COL21A1: variants seen among roughly 807,000 people sequenced by gnomAD.
The protein encoded by COL21A1 is collagen type XXI alpha 1 chain.
A neutral mutation model predicts 137.9 loss-of-function variants in COL21A1; 149 were observed. The observed-to-expected ratio is 1.08, with a 90% confidence interval of 0.95 to 1.24. COL21A1 has a LOEUF of 1.24. COL21A1 is among the 50% of genes most tolerant of loss of function. The pLI is 0.00. For synonymous variants in COL21A1, 456 were observed against 391.5 expected, an observed-to-expected ratio of 1.16 and a Z score of -1.95; for missense variants, 1,167 against 1,158.4, an observed-to-expected ratio of 1.01 and a Z score of -0.11.
intron 1 of COL21A1, among the ~76,000 whole-genome samples, chr6:56,325,167 A>C (rs1325697255): frequency 7.0e-6 from 1 of 143,556 alleles, no homozygotes; most frequent in Non-Finnish European, 1.5e-5. Context: ...TATCAAATAA[A>C]TTTGCATGCT....
intron 10 of COL21A1, 34 bp from the exon 11 acceptor site, chr6:56,142,017 T>A (rs1301245275): frequency 7.2e-7 from 1 of 1,393,836 alleles, no homozygotes; most frequent in Non-Finnish European, 9.8e-7. Flanking sequence ...AAAAATAATA[T>A]TTCATCATAT....
At chr6:56,344,388 A>G (rs73745612) in intron 1 of COL21A1, among the ~76,000 whole-genome samples, 4,832 of 152,320 alleles carry the variant, frequency 0.032, 273 homozygotes, top group African/African-American at 0.11. Flanking sequence ...GATGTTTTAC[A>G]AATAAATATC....
In COL21A1 at chr6:56,124,223, T is replaced by C. The variant is rs1015946434; in HGVS notation, c.1704+16A>G. On this transcript the variant is annotated intron_variant, in intron 15 of 29. Transcript: ENST00000244728. ...TTTAAAGCAAAATACTAAGAGCTTT[T>C]TTCTATCAAACTCACAGCAGGTCCA... 6.3e-7 allele frequency: 1 copy of C among 1,587,240 alleles called. No homozygotes were observed. The highest frequency in any genetic ancestry group is 8.6e-7 in the Non-Finnish European group (1 of 1,165,744).
chr6:56,392,433 C>T (rs113119177), intron 1 of COL21A1, among the ~76,000 whole-genome samples: 1 of 152,018 alleles, frequency 6.6e-6, no homozygotes, highest in Non-Finnish European at 1.5e-5. Context: ...AGATCTGGAA[C>T]AAGACAAGGA....
chr6:56,171,206 A>G, intron 3 of COL21A1, 78 bp from the exon 4 acceptor site: 1 of 907,254 alleles, frequency 1.1e-6, no homozygotes, highest in Non-Finnish European at 1.7e-6. Flanking sequence ...GAGAAATACT[A>G]GACAATATAG....
intron 1 of COL21A1, among the ~76,000 whole-genome samples, chr6:56,305,002 T>C (rs564638567): frequency 6.6e-6 from 1 of 152,354 alleles, no homozygotes; most frequent in East Asian, 1.9e-4. Flanking sequence ...CCAGTAGTCA[T>C]TCAGGAGCAG....
chr6:56,358,673 G>A (rs1004148026), intron 1 of COL21A1, among the ~76,000 whole-genome samples: 3 of 152,202 alleles, frequency 2.0e-5, no homozygotes, highest in East Asian at 1.9e-4. Flanking sequence ...AATTGTATCA[G>A]AAGAAAAGTT....
At chr6:56,097,681 G>C (rs916675563) in intron 17 of COL21A1, among the ~76,000 whole-genome samples, 3 of 146,838 alleles carry the variant, frequency 2.0e-5, no homozygotes, top group African/African-American at 7.6e-5. Context: ...GTGTCTGCTT[G>C]GCGATAAAAC....
chr6:56,386,093 C>T (rs1210589444), intron 1 of COL21A1, among the ~76,000 whole-genome samples: 1 of 152,064 alleles, frequency 6.6e-6, no homozygotes, highest in Non-Finnish European at 1.5e-5. Flanking sequence ...GGATTACAGG[C>T]GCTTGCCACC....
At chr6:56,236,946 T>A (rs1190889350) in intron 1 of COL21A1, among the ~76,000 whole-genome samples, 1 of 152,006 alleles carries the variant, frequency 6.6e-6, no homozygotes, top group Non-Finnish European at 1.5e-5. Context: ...ATCTTGATAG[T>A]TTAAAATTTC....
At position 56,168,528 on chromosome 6, in the gene COL21A1, C is replaced by T. The variant is rs532212701; in HGVS notation, c.1027-231G>A. Among the ~76,000 whole-genome samples, 25 of 152,186 alleles carry T rather than the reference C, an allele frequency of 1.6e-4. No individual in the cohort carries two copies. The South Asian group carries it at 4.1e-3, about 25-fold the overall frequency. On this transcript the variant is annotated intron_variant, in intron 5 of 29. Transcript: ENST00000244728. ...TACATATTTCAAAGAAACTGTCAAA[C>T]AACTTACTAAAGCAACTACCTCAAA...
At chr6:56,163,961 T>C (rs1776380680) in intron 9 of COL21A1, among the ~76,000 whole-genome samples, 1 of 152,240 alleles carries the variant, frequency 6.6e-6, no homozygotes, top group South Asian at 2.1e-4. Flanking sequence ...TATGTGGCTC[T>C]ATTTTTGAAC....
chr6:56,314,599 T>C (rs1390771716), intron 1 of COL21A1, among the ~76,000 whole-genome samples: 1 of 152,194 alleles, frequency 6.6e-6, no homozygotes, highest in Non-Finnish European at 1.5e-5. Flanking sequence ...TGGGTTGAAT[T>C]CAGTGATCTT....
intron 1 of COL21A1, among the ~76,000 whole-genome samples, chr6:56,246,269 G>C (rs1782637972): frequency 6.6e-6 from 1 of 152,142 alleles, no homozygotes; most frequent in East Asian, 1.9e-4. Flanking sequence ...GATGATCCAG[G>C]AACATTTCAT....
At chr6:56,172,703 T>G (rs1046539592) in intron 3 of COL21A1, among the ~76,000 whole-genome samples, 2 of 152,138 alleles carry the variant, frequency 1.3e-5, no homozygotes, top group African/African-American at 4.8e-5. Flanking sequence ...CAAAAGCATT[T>G]TTAAAAACTG....
intron 17 of COL21A1, among the ~76,000 whole-genome samples, chr6:56,089,917 CTTATCAGTGG>C (rs1768632555): frequency 6.6e-6 from 1 of 152,056 alleles, no homozygotes; most frequent in Admixed American, 6.5e-5. Flanking sequence ...TACGTTAATG[CTTATCAGTGG>C]TTCTTACAAT....
intron 17 of COL21A1, among the ~76,000 whole-genome samples, chr6:56,098,628 T>TATATATAAATATATATAAAA (rs1562193728): frequency 3.0e-5 from 1 of 33,140 alleles, no homozygotes; most frequent in Non-Finnish European, 4.4e-5. Context: ...TATATATAAA[T>TATATATAAATATATATAAAA]ATATATATAA....
chr6:56,156,802 G>T, intron 10 of COL21A1, 85 bp downstream of exon 10: 2 of 1,079,612 alleles, frequency 1.9e-6, no homozygotes, highest in Non-Finnish European at 2.8e-6. Flanking sequence ...AGCTTTCCTT[G>T]TCTGTTTAGA....
chr6:56,110,045 A>G (rs1771282622), intron 16 of COL21A1, among the ~76,000 whole-genome samples: 1 of 152,014 alleles, frequency 6.6e-6, no homozygotes, highest in Non-Finnish European at 1.5e-5. Flanking sequence ...AAAACTGCTG[A>G]TCAAAATCAT....
Sources: allele counts gnomAD v4.1 joint callset (sites outside exome capture counted in the v4.1 genomes callset), GRCh38; gene constraint gnomAD v4.1.1; transcripts MANE v1.5; gene names NCBI Gene and HGNC (gene_info 2026-07-23, HGNC 2026-07-21).